GALNT14: variants seen among roughly 807,000 people sequenced by gnomAD.
GALNT14 encodes the protein UDP-GalNAc:polypeptide N-acetylgalactosaminyltransferase 14.
GALNT14 carries 60 observed loss-of-function variants against 77.5 expected under a neutral mutation model. The ratio of observed to expected loss-of-function variants is 0.77; its 90% CI spans 0.63 to 0.96. GALNT14 has a LOEUF of 0.96. Among genes scored for constraint, GALNT14 ranks in the 40% least tolerant of loss-of-function variants. GALNT14 has a pLI of 0.00. For synonymous variants in GALNT14, 280 were observed against 281.7 expected (o/e 0.99, Z 0.06); for missense variants, 710 against 731.0 (o/e 0.97, Z 0.33).
chr2:30,963,947 G>C (rs1262200589), intron 3 of GALNT14, among the ~76,000 whole-genome samples: 2 of 152,214 alleles, frequency 1.3e-5, no homozygotes, highest in Non-Finnish European at 2.9e-5. Flanking sequence ...GGGAGGTTAA[G>C]AGATGGATAA....
the GALNT14 span, among the ~76,000 whole-genome samples, chr2:30,893,595 T>C: frequency 6.6e-6 from 1 of 152,212 alleles, no homozygotes; most frequent in African/African-American, 2.4e-5. Context: ...ATGAAGTCAA[T>C]AGATAATGTC....
intron 1 of GALNT14, among the ~76,000 whole-genome samples, chr2:31,039,566 C>T (rs1672974766): frequency 6.6e-6 from 1 of 152,196 alleles, no homozygotes; most frequent in African/African-American, 2.4e-5. Context: ...TCTCACTGTC[C>T]TTACTGAGGG....
chr2:30,919,384 C>A (rs572235289), intron 13 of GALNT14, among the ~76,000 whole-genome samples: 1 of 152,128 alleles, frequency 6.6e-6, no homozygotes, highest in Non-Finnish European at 1.5e-5. Context: ...GGGGGTGGAG[C>A]AGCATCGGGA....
chr2:30,959,839 C>T (rs1274467098), intron 3 of GALNT14, among the ~76,000 whole-genome samples: 1 of 152,158 alleles, frequency 6.6e-6, no homozygotes, highest in Non-Finnish European at 1.5e-5. Context: ...CACCCCAAAC[C>T]ACGTGACTAC....
intron 2 of GALNT14, among the ~76,000 whole-genome samples, chr2:30,974,139 C>T (rs145412512): frequency 2.6e-5 from 4 of 152,298 alleles, no homozygotes; most frequent in Non-Finnish European, 5.9e-5. Flanking sequence ...GCCTGCTGAC[C>T]CTCCTGAGTT....
At chr2:31,004,573 C>A (rs1670556536) in intron 1 of GALNT14, among the ~76,000 whole-genome samples, 1 of 152,150 alleles carries the variant, frequency 6.6e-6, no homozygotes. Flanking sequence ...GGTGAGGCTG[C>A]AGCCATCTCT....
chr2:30,996,273 A>T (rs1347278724), intron 1 of GALNT14, among the ~76,000 whole-genome samples: 1 of 152,170 alleles, frequency 6.6e-6, no homozygotes, highest in African/African-American at 2.4e-5. Context: ...AGGAATAGCA[A>T]GGCCGGAATG....
chr2:31,002,055 A>G (rs904006527), intron 1 of GALNT14, among the ~76,000 whole-genome samples: 3 of 152,154 alleles, frequency 2.0e-5, no homozygotes, highest in Non-Finnish European at 2.9e-5. Flanking sequence ...TGAAGTAGCC[A>G]GGCTGGTTAT....
chr2:30,892,088 C>T, the GALNT14 span, among the ~76,000 whole-genome samples: 13 of 152,182 alleles, frequency 8.5e-5, no homozygotes, highest in Admixed American at 3.9e-4. Flanking sequence ...GCTCACCAGA[C>T]GGTATGTGCT....
At chr2:30,952,005 C>T (rs1270071476) in intron 6 of GALNT14, among the ~76,000 whole-genome samples, 1 of 152,166 alleles carries the variant, frequency 6.6e-6, no homozygotes, top group East Asian at 1.9e-4. Flanking sequence ...TGGACCTCAG[C>T]CCCTCATTTC....
At chr2:31,014,039 C>T (rs755944847) in intron 1 of GALNT14, among the ~76,000 whole-genome samples, 2 of 152,244 alleles carry the variant, frequency 1.3e-5, no homozygotes, top group African/African-American at 4.8e-5. Context: ...TGCTCTGACA[C>T]TGGCTCCACT....
At position 30,992,819 on chromosome 2, in the gene GALNT14, T is replaced by A; in HGVS notation, c.299+19A>T. 6.2e-7 allele frequency: 1 copy of A among 1,609,360 alleles called. No homozygotes were observed. The highest frequency in any genetic ancestry group is 8.5e-7 in the Non-Finnish European group (1 of 1,176,576). On this transcript the variant is annotated intron_variant, in intron 2 of 14. Transcript: ENST00000349752. ...TCTTTTGACTGCGGGGGTAACAGAG[T>A]GGGAGAAGGAGGAAGTACCTCAGAT...
intron 1 of GALNT14, among the ~76,000 whole-genome samples, chr2:31,069,838 T>C (rs115446680): frequency 3.9e-4 from 59 of 152,312 alleles, no homozygotes; most frequent in African/African-American, 1.3e-3. Flanking sequence ...TATCTAATCC[T>C]GCTCAGTTCA....
Position 31,138,176 on chromosome 2 carries a change from G to T in GALNT14, c.-90C>A. 6.5e-7 allele frequency: 1 copy of T among 1,545,378 alleles called. No homozygotes were observed. Among genetic ancestry groups the T allele is most frequent in the South Asian group, 1.1e-5 (1 of 87,250 alleles). Reference sequence around the variant, plus strand: ...TGGCGGGGCAGGAGTCCTGGCGAGCGCCTCGCTCTGGGGAGCTCTAGACCC... The same window carrying T: ...TGGCGGGGCAGGAGTCCTGGCGAGCTCCTCGCTCTGGGGAGCTCTAGACCC... On this transcript the variant is annotated 5_prime_UTR_variant, in exon 1 of 15. Coordinates refer to ENST00000349752, the MANE Select transcript of GALNT14 (RefSeq NM_024572.4).
At chr2:31,001,379 G>T (rs1670360816) in intron 1 of GALNT14, among the ~76,000 whole-genome samples, 1 of 152,208 alleles carries the variant, frequency 6.6e-6, no homozygotes, top group South Asian at 2.1e-4. Flanking sequence ...GTAGTTGAAT[G>T]ATAAGCAGAG....
intron 1 of GALNT14, among the ~76,000 whole-genome samples, chr2:30,999,888 T>C (rs1302154170): frequency 6.6e-6 from 1 of 152,238 alleles, no homozygotes; most frequent in African/African-American, 2.4e-5. Context: ...AGGGCATTGC[T>C]GTGAGTGTCG....
chr2:31,049,996 A>C (rs1673736313), intron 1 of GALNT14, among the ~76,000 whole-genome samples: 2 of 152,164 alleles, frequency 1.3e-5, no homozygotes, highest in Admixed American at 1.3e-4. Flanking sequence ...GAAAATAAAT[A>C]CAATGGGCAG....
intron 1 of GALNT14, among the ~76,000 whole-genome samples, chr2:31,134,902 T>C (rs1367138044): frequency 6.6e-6 from 1 of 152,234 alleles, no homozygotes; most frequent in East Asian, 1.9e-4. Context: ...GCCAAATTTT[T>C]CACCTCCTTA....
At chr2:30,961,209 A>G (rs1667672518) in intron 3 of GALNT14, among the ~76,000 whole-genome samples, 1 of 152,224 alleles carries the variant, frequency 6.6e-6, no homozygotes, top group African/African-American at 2.4e-5. Flanking sequence ...CGATATTAAT[A>G]CTTGACCTAC....
Sources: allele counts gnomAD v4.1 joint callset (sites outside exome capture counted in the v4.1 genomes callset), GRCh38; gene constraint gnomAD v4.1.1; transcripts MANE v1.5; gene names NCBI Gene and HGNC (gene_info 2026-07-23, HGNC 2026-07-21).